MTUS2: variants seen among roughly 807,000 people sequenced by gnomAD.
MTUS2 encodes the protein microtubule associated scaffold protein 2.
MTUS2 carries 40 observed loss-of-function variants against 114.1 expected under a neutral mutation model. The ratio of observed to expected loss-of-function variants is 0.35; its 90% CI spans 0.27 to 0.46. The LOEUF is 0.46. Among genes scored for constraint, MTUS2 ranks in the 20% least tolerant of loss-of-function variants. MTUS2 has a pLI of 1.00. For synonymous variants in MTUS2, 688 were observed against 672.0 expected, an observed-to-expected ratio of 1.02 and a Z score of -0.37; for missense variants, 1,679 against 1,705.4, an observed-to-expected ratio of 0.98 and a Z score of 0.27.
At chr13:28,864,085 C>T (rs2138076241) in intron 2 of MTUS2, among the ~76,000 whole-genome samples, 1 of 152,278 alleles carries the variant, frequency 6.6e-6, no homozygotes, top group Non-Finnish European at 1.5e-5. Flanking sequence ...CTAGGAATCA[C>T]TAATTACATC....
chr13:29,247,604 A>G (rs1440124724), intron 5 of MTUS2, among the ~76,000 whole-genome samples: 2 of 152,158 alleles, frequency 1.3e-5, no homozygotes, highest in Non-Finnish European at 2.9e-5. Flanking sequence ...TAAATAGACA[A>G]TTCCCAAAAG....
chr13:28,917,357 G>A (rs992928356), intron 2 of MTUS2, among the ~76,000 whole-genome samples: 2 of 151,828 alleles, frequency 1.3e-5, no homozygotes, highest in Non-Finnish European at 2.9e-5. Context: ...TTCTTTAAAT[G>A]TTTGATAGAA....
chr13:28,961,283 G>A (rs1036199175), intron 2 of MTUS2, among the ~76,000 whole-genome samples: 1 of 152,080 alleles, frequency 6.6e-6, no homozygotes, highest in Non-Finnish European at 1.5e-5. Flanking sequence ...TCAAGAAACC[G>A]AGAGAATCTG....
Position 29,420,238 on chromosome 13 carries a change from ACTTT to A in MTUS2, c.3118-19724_3118-19721del, listed in dbSNP as rs371996946. 3.0e-3 allele frequency among the ~76,000 whole-genome samples: 446 copies of A among 149,146 alleles called. 3 individuals are homozygous for A. In the East Asian group the frequency reaches 0.035, roughly 12 times the overall value. On this transcript the variant is annotated intron_variant, in intron 8 of 15. Transcript: ENST00000612955. Reference sequence around the variant, plus strand: ...TTTTTCTTCCTTCCTTCCTTAACTTACTTTCTTTCTTTCTTTCTTTCTTTTTCTT... The same window carrying A: ...TTTTTCTTCCTTCCTTCCTTAACTTACTTTCTTTCTTTCTTTCTTTTTCTT...
intron 2 of MTUS2, among the ~76,000 whole-genome samples, chr13:29,012,573 T>A (rs915365860): frequency 6.6e-6 from 1 of 152,112 alleles, no homozygotes; most frequent in Non-Finnish European, 1.5e-5. Flanking sequence ...GAAAGAGATA[T>A]GCTAAAAGAG....
intron 2 of MTUS2, among the ~76,000 whole-genome samples, chr13:28,865,467 G>A (rs1340345210): frequency 6.6e-6 from 1 of 152,164 alleles, no homozygotes; most frequent in Non-Finnish European, 1.5e-5. Flanking sequence ...ATATTAAGTT[G>A]GCAAATTGCC....
intron 5 of MTUS2, among the ~76,000 whole-genome samples, chr13:29,229,146 G>C (rs187963323): frequency 6.6e-6 from 1 of 151,660 alleles, no homozygotes; most frequent in East Asian, 1.9e-4. Context: ...GGTTTCTGCT[G>C]GCTCCCCTGT....
At chr13:29,369,718 G>C (rs530310766) in intron 8 of MTUS2, among the ~76,000 whole-genome samples, 37 of 152,280 alleles carry the variant, frequency 2.4e-4, no homozygotes, top group Non-Finnish European at 5.0e-4. Context: ...GGAGAAGAAA[G>C]AAAAACATTT....
intron 5 of MTUS2, among the ~76,000 whole-genome samples, chr13:29,215,389 C>T (rs926820079): frequency 6.6e-6 from 1 of 151,428 alleles, no homozygotes; most frequent in East Asian, 2.0e-4. Flanking sequence ...ATTCTCTGTG[C>T]AGTTCTGTGC....
chr13:29,428,617 C>A (rs1379254982), intron 8 of MTUS2: 2 of 416,834 alleles, frequency 4.8e-6, no homozygotes, highest in East Asian at 7.1e-5. Context: ...CCCTCCCTCC[C>A]GCAGCAGCAA....
At chr13:29,048,860 C>T (rs1387332474) in intron 4 of MTUS2, among the ~76,000 whole-genome samples, 3 of 152,200 alleles carry the variant, frequency 2.0e-5, no homozygotes, top group Admixed American at 6.5e-5. Flanking sequence ...AAGCATTCCA[C>T]GTGCCTCAGC....
chr13:28,850,352 T>C (rs74954494), intron 2 of MTUS2, among the ~76,000 whole-genome samples: 1 of 152,082 alleles, frequency 6.6e-6, no homozygotes, highest in Non-Finnish European at 1.5e-5. Context: ...ACATGGAAAG[T>C]GTGTGTGTCT....
At chr13:29,254,451 A>G (rs928084242) in intron 5 of MTUS2, among the ~76,000 whole-genome samples, 8 of 152,240 alleles carry the variant, frequency 5.3e-5, no homozygotes, top group Admixed American at 6.5e-5. Flanking sequence ...AGTTGACTTG[A>G]TGGACCTTGG....
At chr13:29,402,581 C>T (rs1309938214) in intron 8 of MTUS2, among the ~76,000 whole-genome samples, 1 of 152,088 alleles carries the variant, frequency 6.6e-6, no homozygotes, top group African/African-American at 2.4e-5. Context: ...CAAGGAACAC[C>T]TGTTGCTGGA....
intron 6 of MTUS2, among the ~76,000 whole-genome samples, chr13:29,295,266 G>A (rs897669311): frequency 1.3e-5 from 2 of 152,066 alleles, no homozygotes; most frequent in Non-Finnish European, 2.9e-5. Context: ...ATTTCTATGT[G>A]TTAGGAACAT....
chr13:28,924,640 C>G (rs761041832), intron 2 of MTUS2, among the ~76,000 whole-genome samples: 36 of 152,196 alleles, frequency 2.4e-4, no homozygotes, highest in Non-Finnish European at 4.7e-4. Context: ...GCTGGCACTG[C>G]CCTTTCCTCT....
chr13:29,093,410 T>C (rs1431363761), intron 4 of MTUS2, among the ~76,000 whole-genome samples: 1 of 152,168 alleles, frequency 6.6e-6, no homozygotes, highest in Middle Eastern at 3.2e-3. Context: ...GCCACTGCTC[T>C]CCAGCCTGGC....
At chr13:28,935,902 A>G (rs190233620) in intron 2 of MTUS2, among the ~76,000 whole-genome samples, 1 of 152,130 alleles carries the variant, frequency 6.6e-6, no homozygotes, top group African/African-American at 2.4e-5. Context: ...TTGTAGCACC[A>G]TATCTGGCTA....
At chr13:28,886,209 G>T (rs1426378970) in intron 2 of MTUS2, among the ~76,000 whole-genome samples, 1 of 152,172 alleles carries the variant, frequency 6.6e-6, no homozygotes, top group Non-Finnish European at 1.5e-5. Flanking sequence ...TTTACTTTGC[G>T]AGATGGGAAG....
Sources: allele counts gnomAD v4.1 joint callset (sites outside exome capture counted in the v4.1 genomes callset), GRCh38; gene constraint gnomAD v4.1.1; transcripts MANE v1.5; gene names NCBI Gene and HGNC (gene_info 2026-07-23, HGNC 2026-07-21).